HNRNPA3: variants seen among roughly 807,000 people sequenced by gnomAD.
The protein encoded by HNRNPA3 is heterogeneous nuclear ribonucleoprotein A3.
Under a neutral mutation model 45.8 loss-of-function variants are expected in HNRNPA3, and 3 were observed. The ratio of observed to expected loss-of-function variants is 0.07; its 90% CI spans 0.03 to 0.17. The LOEUF (loss-of-function observed/expected upper bound fraction) is 0.17, where lower values mean the gene tolerates loss of function less well. Among genes scored for constraint, HNRNPA3 ranks in the 10% least tolerant of loss-of-function variants. HNRNPA3 has a pLI of 1.00. For synonymous variants in HNRNPA3, 170 were observed against 155.6 expected (o/e 1.09, Z -0.69); for missense variants, 183 against 480.3 (o/e 0.38, Z 5.79).
intron 1 of HNRNPA3, among the ~76,000 whole-genome samples, chr2:177,215,133 G>A (rs541083607): frequency 3.9e-5 from 6 of 152,106 alleles, no homozygotes; most frequent in African/African-American, 1.2e-4. Flanking sequence ...CGGAGTTTTC[G>A]CTCCTATGGC....
At chr2:177,212,950 T>A in intron 1 of HNRNPA3, 79 bp downstream of exon 1, 1 of 994,390 alleles carries the variant, frequency 1.0e-6, no homozygotes, top group Non-Finnish European at 1.4e-6. Context: ...GGAGGCCGGG[T>A]GGACCGGGTC....
exon 6 of HNRNPA3, chr2:177,216,710 C>T (rs762991838): frequency 9.3e-6 from 15 of 1,613,872 alleles, no homozygotes; most frequent in African/African-American, 6.7e-5. Context: ...TTATGGGTCG[C>T]GGAGGGAACT....
chr2:177,221,527 T>C (rs1370881711), downstream of HNRNPA3: 1 of 152,808 alleles, frequency 6.5e-6, no homozygotes, highest in East Asian at 1.9e-4. Context: ...AGTTGATGTT[T>C]ACAACCTATA....
intron 1 of HNRNPA3, among the ~76,000 whole-genome samples, chr2:177,213,416 G>GA (rs1688775605): frequency 6.6e-6 from 1 of 152,270 alleles, no homozygotes; most frequent in Non-Finnish European, 1.5e-5. Context: ...GAAGCATGGG[G>GA]AGGTAGTGCT....
chr2:177,214,075 CTTAT>C (rs1352339414), intron 1 of HNRNPA3, among the ~76,000 whole-genome samples: 2 of 152,172 alleles, frequency 1.3e-5, no homozygotes, highest in African/African-American at 4.8e-5. Context: ...ATGTGAGCCC[CTTAT>C]TTAAGAACTT....
At chr2:177,213,471 C>T (rs533195315) in intron 1 of HNRNPA3, among the ~76,000 whole-genome samples, 1 of 152,342 alleles carries the variant, frequency 6.6e-6, no homozygotes, top group East Asian at 1.9e-4. Flanking sequence ...TTTACGGGTC[C>T]TCTCCGCGAG....
chr2:177,217,047 G>A (rs1688973048), intron 7 of HNRNPA3, 107 bp downstream of exon 7: 2 of 1,195,966 alleles, frequency 1.7e-6, no homozygotes, highest in Non-Finnish European at 2.3e-6. Flanking sequence ...TGGCTAAATG[G>A]TTAAGGTGTA....
chr2:177,215,571 A>G, exon 2 of HNRNPA3: 3 of 1,613,930 alleles, frequency 1.9e-6, no homozygotes, highest in Non-Finnish European at 2.5e-6. Flanking sequence ...AGCAGTTGAG[A>G]AAACTGTTTA....
At chr2:177,216,463 A>G (rs780319577) in intron 4 of HNRNPA3, 40 bp from the exon 5 acceptor site, 10 of 1,472,874 alleles carry the variant, frequency 6.8e-6, no homozygotes, top group Non-Finnish European at 9.5e-6. Context: ...TTCCAAACAT[A>G]AAATAACTTT....
chr2:177,215,458 C>A, intron 1 of HNRNPA3, 81 bp from the exon 2 acceptor site: 13 of 1,374,142 alleles, frequency 9.5e-6, no homozygotes, highest in Non-Finnish European at 1.3e-5. Context: ...GATTTTATTA[C>A]TTACCGTACA....
intron 5 of HNRNPA3, 23 bp downstream of exon 5, chr2:177,216,615 A>G (rs563068643): frequency 4.3e-6 from 7 of 1,611,440 alleles, no homozygotes; most frequent in African/African-American, 4.0e-5. Context: ...ATACACATGT[A>G]TACAGTGGAT....
intron 1 of HNRNPA3, among the ~76,000 whole-genome samples, chr2:177,214,823 G>C (rs1050006993): frequency 3.3e-5 from 5 of 152,126 alleles, no homozygotes; most frequent in African/African-American, 4.8e-5. Flanking sequence ...AAAATTAAAT[G>C]CATGTTGGGT....
At chr2:177,214,578 G>A (rs1334151698) in intron 1 of HNRNPA3, among the ~76,000 whole-genome samples, 1 of 152,144 alleles carries the variant, frequency 6.6e-6, no homozygotes, top group African/African-American at 2.4e-5. Context: ...GGCGGATCAC[G>A]AGGTCAGGAG....
At chr2:177,217,632 C>T (rs1689001751) in intron 7 of HNRNPA3, 73 bp from the exon 8 acceptor site, 2 of 1,578,238 alleles carry the variant, frequency 1.3e-6, no homozygotes. Context: ...GTCTCTTACA[C>T]ACACACCAGA....
exon 9 of HNRNPA3, chr2:177,219,075 A>G (rs769905293): frequency 6.2e-7 from 1 of 1,614,060 alleles, no homozygotes; most frequent in Non-Finnish European, 8.5e-7. Context: ...TGATTTTGGA[A>G]ATTATAGTGG....
At chr2:177,218,963 A>G (rs1347095137) in intron 8 of HNRNPA3, 74 bp from the exon 9 acceptor site, 1 of 1,556,406 alleles carries the variant, frequency 6.4e-7, no homozygotes, top group Non-Finnish European at 8.7e-7. Context: ...CTCAAAAGAT[A>G]ATAGTTACAT....
Position 177,219,391 on chromosome 2 carries a change from C to A in HNRNPA3, c.*16-17C>A. On this transcript the variant is annotated splice_polypyrimidine_tract_variant and intron_variant, in intron 10 of 10. Coordinates refer to ENST00000392524, the Ensembl canonical transcript of HNRNPA3. ...TCACTGAGTGTAATAATTTTTTTAT[C>A]CTGTATTATTCAACAGGCTACAGTT... The A allele has an allele frequency of 1.8e-6, 2 of 1,120,226 alleles. No individual in the cohort carries two copies. The highest frequency in any genetic ancestry group is 2.6e-6 in the Non-Finnish European group (2 of 771,276). The allele number at this position is 1,120,226 out of a possible 1,614,324, so 69.4% of individuals were successfully genotyped here.
chr2:177,213,502 C>A (rs978049432), intron 1 of HNRNPA3, among the ~76,000 whole-genome samples: 1 of 152,196 alleles, frequency 6.6e-6, no homozygotes. Context: ...TTGGCCTTTT[C>A]TTTTTTTCGC....
downstream of HNRNPA3, chr2:177,221,878 A>G (rs976729797): frequency 6.5e-6 from 1 of 152,698 alleles, no homozygotes; most frequent in Non-Finnish European, 1.5e-5. Context: ...AAAGTCTAGC[A>G]GGAAGGAGCT....
Sources: allele counts gnomAD v4.1 joint callset (sites outside exome capture counted in the v4.1 genomes callset), GRCh38; gene constraint gnomAD v4.1.1; transcripts MANE v1.5; gene names NCBI Gene and HGNC (gene_info 2026-07-23, HGNC 2026-07-21).